The following FAM114A2 variants were observed in gnomAD, a reference collection of about 807,000 sequenced individuals.
FAM114A2 encodes the protein family with sequence similarity 114 member A2.
In FAM114A2, 53 loss-of-function variants were observed where a neutral mutation model predicts 58.4. The observed-to-expected ratio is 0.91, with a 90% confidence interval of 0.73 to 1.14. The LOEUF is 1.14. Among genes scored for constraint, FAM114A2 ranks in the 50% most tolerant of loss-of-function variants. FAM114A2 has a pLI of 0.00. For missense variants in FAM114A2, 601 were observed against 581.1 expected (o/e 1.03, Z -0.35); for synonymous variants, 228 against 211.4 (o/e 1.08, Z -0.68).
intron 12 of FAM114A2, among the ~76,000 whole-genome samples, chr5:153,996,105 A>T (rs1769539295): frequency 6.6e-6 from 1 of 152,222 alleles, no homozygotes; most frequent in Non-Finnish European, 1.5e-5. Context: ...AATCTTGAAA[A>T]TAAGAACAAA....
At chr5:154,017,317 CTG>C (rs1771104460) in intron 8 of FAM114A2, among the ~76,000 whole-genome samples, 1 of 152,194 alleles carries the variant, frequency 6.6e-6, no homozygotes, top group South Asian at 2.1e-4. Context: ...TGGCACATGC[CTG>C]TAATCCCAGC....
intron 9 of FAM114A2, among the ~76,000 whole-genome samples, chr5:154,003,864 T>C (rs552577361): frequency 2.0e-5 from 3 of 152,368 alleles, no homozygotes; most frequent in Admixed American, 1.3e-4. Flanking sequence ...TCATTTTATA[T>C]ACAGTCATGC....
At chr5:154,021,017 A>G (rs751591608) in intron 8 of FAM114A2, among the ~76,000 whole-genome samples, 9 of 152,220 alleles carry the variant, frequency 5.9e-5, no homozygotes, top group Non-Finnish European at 8.8e-5. Flanking sequence ...AACGTAATCC[A>G]TCACGTAAAC....
chr5:154,004,071 T>C (rs1770189584), intron 9 of FAM114A2, among the ~76,000 whole-genome samples: 1 of 152,222 alleles, frequency 6.6e-6, no homozygotes, highest in Non-Finnish European at 1.5e-5. Context: ...TGTAACAGGC[T>C]ACATCAGCTA....
At chr5:153,998,180 C>T (rs945182114) in intron 11 of FAM114A2, among the ~76,000 whole-genome samples, 4 of 152,170 alleles carry the variant, frequency 2.6e-5, no homozygotes, top group Non-Finnish European at 5.9e-5. Flanking sequence ...TTCTCCATCC[C>T]ACCCAGGACA....
chr5:154,008,999 A>C (rs1770525656), intron 9 of FAM114A2, among the ~76,000 whole-genome samples: 1 of 152,234 alleles, frequency 6.6e-6, no homozygotes, highest in Non-Finnish European at 1.5e-5. Flanking sequence ...ATAGGTGTAC[A>C]CGTGCACATA....
At chr5:154,035,589 C>T (rs940130161) in intron 1 of FAM114A2, among the ~76,000 whole-genome samples, 2 of 152,122 alleles carry the variant, frequency 1.3e-5, no homozygotes, top group African/African-American at 4.8e-5. Context: ...ATTTATCCAT[C>T]GAAGGATATC....
intron 4 of FAM114A2, among the ~76,000 whole-genome samples, chr5:154,031,642 A>G (rs1029348422): frequency 2.0e-5 from 3 of 152,212 alleles, no homozygotes; most frequent in Non-Finnish European, 2.9e-5. Flanking sequence ...TTAACTCTAT[A>G]TAACTTCCAC....
rs1770339227 is a variant in FAM114A2, at chr5:154,006,304, A to G, written c.994-3335T>C. ...TCTTCTCTCTCCTAATAAGGCAATT[A>G]GCAAGCAAACAAACAAAAACATACA... On this transcript the variant is annotated intron_variant, in intron 9 of 13. Transcript: ENST00000351797. 3.9e-5 allele frequency among the ~76,000 whole-genome samples: 6 copies of G among 152,350 alleles called. 1 individual carries two copies. The South Asian group carries it at 1.2e-3, about 32-fold the overall frequency.
At position 154,027,269 on chromosome 5, in the gene FAM114A2, G is replaced by A; in HGVS notation, c.696C>T (p.Asp232=). 1 of 1,613,380 alleles carries A rather than the reference G, an allele frequency of 6.2e-7. No homozygotes were observed. Among genetic ancestry groups the A allele is most frequent in the Non-Finnish European group, 8.5e-7 (1 of 1,179,514 alleles). Residue 232 remains aspartate (D), a synonymous_variant, in exon 7 of 14, where the codon GAC becomes GAT. Transcript: ENST00000351797. ...AGAGTAGCCCATAATGAGTTTTCTT[G>A]TCTGTTTCCACGGTAACCTCATTGG... ...RTSNEVTVET[D]KKTHYGLLFD...
At chr5:154,027,524 G>A (rs1771872717) in intron 6 of FAM114A2, 190 bp from the exon 7 acceptor site, 3 of 439,754 alleles carry the variant, frequency 6.8e-6, no homozygotes, top group South Asian at 1.0e-4. Flanking sequence ...AATTTGAGAC[G>A]GAGTTTCACT....
intron 1 of FAM114A2, chr5:154,038,288 T>C (rs1029937044): frequency 6.6e-6 from 1 of 152,148 alleles, no homozygotes; most frequent in South Asian, 2.1e-4. Flanking sequence ...ACCCGCCCCA[T>C]TTACCAAAAT....
chr5:154,026,985 T>C (rs1319861340), intron 7 of FAM114A2, among the ~76,000 whole-genome samples, 191 bp downstream of exon 7: 1 of 152,202 alleles, frequency 6.6e-6, no homozygotes, highest in African/African-American at 2.4e-5. Context: ...AATACTTGAC[T>C]AATTCTGCTT....
In FAM114A2 at chr5:154,028,433, T is replaced by C. The variant is rs548806119; in HGVS notation, c.496-150A>G. 1.7e-5 allele frequency: 10 copies of C among 588,212 alleles called. No individual in the cohort carries two copies. In the South Asian group the frequency reaches 1.9e-4, roughly 11 times the overall value. 36.4% of individuals were successfully genotyped at this position (588,212 alleles called of 1,614,324 possible). A position where few individuals can be genotyped will look rare whatever the true frequency, so the allele number is the denominator to read the frequency against. ...AAATGAAACAATCACACACTGCTTG[T>C]GGGAACGTAAATAGGTATAACCACA... On this transcript the variant is annotated intron_variant, in intron 5 of 13. Coordinates refer to ENST00000351797, the MANE Select transcript of FAM114A2 (RefSeq NM_018691.4).
chr5:154,022,689 G>C (rs1771502673), intron 8 of FAM114A2, among the ~76,000 whole-genome samples: 1 of 152,186 alleles, frequency 6.6e-6, no homozygotes. Flanking sequence ...ATGTTGGTGG[G>C]AGTGTAAACT....
chr5:153,995,489 G>A (rs751545475), intron 12 of FAM114A2, among the ~76,000 whole-genome samples: 2 of 152,038 alleles, frequency 1.3e-5, no homozygotes, highest in Non-Finnish European at 2.9e-5. Flanking sequence ...AAATACTACA[G>A]GGAAAAGTGA....
At position 153,997,276 on chromosome 5, in the gene FAM114A2, A is replaced by G. The variant is rs1769632183; in HGVS notation, c.1329+527T>C. On this transcript the variant is annotated intron_variant, in intron 12 of 13. Transcript: ENST00000351797. ...TAGCTATCTACCCAAGAGAAATGGA[A>G]ACATATTCACATAAAAACATACATG... Among the ~76,000 whole-genome samples the G allele has an allele frequency of 2.0e-5, 3 of 152,226 alleles. No individual in the cohort carries two copies. The South Asian group carries it at 6.2e-4, about 31-fold the overall frequency.
intron 1 of FAM114A2, 86 bp from the exon 2 acceptor site, chr5:154,035,053 T>A: frequency 1.4e-6 from 1 of 736,192 alleles, no homozygotes. Context: ...GAGATTATCA[T>A]AGATTCACAT....
Position 154,002,894 on chromosome 5 carries a change from G to GTT in FAM114A2, c.1067_1068dup (p.Gln357AsnfsTer16). On this transcript the variant is annotated frameshift_variant, in exon 10 of 14. Transcript: ENST00000351797. LOFTEE classifies it high-confidence loss of function. ...TGCTCAGTATTTTCTGCTTCCGACT[G>GTT]TTTTTCTCCTTCTTCATTCTCTGCT... 1 of 1,614,012 alleles carries GTT rather than the reference G, an allele frequency of 6.2e-7. No individual in the cohort carries two copies. The highest frequency in any genetic ancestry group is 8.5e-7 in the Non-Finnish European group (1 of 1,179,928).
Sources: allele counts gnomAD v4.1 joint callset (sites outside exome capture counted in the v4.1 genomes callset), GRCh38; gene constraint gnomAD v4.1.1; transcripts MANE v1.5; gene names NCBI Gene and HGNC (gene_info 2026-07-23, HGNC 2026-07-21).